Variants in CCDC7 observed in about 807,000 individuals in gnomAD.
CCDC7 encodes the protein coiled-coil domain-containing protein 7.
A neutral mutation model predicts 196.9 loss-of-function variants in CCDC7; 183 were observed. The observed-to-expected ratio is 0.93, with a 90% CI of 0.82 to 1.05. CCDC7 has a LOEUF of 1.05. CCDC7 is among the 50% of genes least tolerant of loss of function. The probability of loss-of-function intolerance (pLI) is 0.00; values close to 1 mark genes in which losing one functional copy is unlikely to be tolerated. For synonymous variants in CCDC7, 525 were observed against 484.6 expected, an observed-to-expected ratio of 1.08 and a Z score of -1.10; for missense variants, 1,540 against 1,482.2, an observed-to-expected ratio of 1.04 and a Z score of -0.64.
At position 32,815,066 on chromosome 10, in the gene CCDC7, A is replaced by C. The variant is rs117588710; in HGVS notation, c.3181+613A>C. ...CACATACACAAACACCCCACCACCA[A>C]CAACAACAACAAGCAGCAAACAAAC... On this transcript the variant is annotated intron_variant, in intron 31 of 41. Coordinates refer to ENST00000639629, the Ensembl canonical transcript of CCDC7. Among the ~76,000 whole-genome samples, 1,376 of 152,120 alleles carry C rather than the reference A, an allele frequency of 9.0e-3. 9 individuals carry two copies. Among genetic ancestry groups the C allele is most frequent in the Middle Eastern group, 0.02 (6 of 294 alleles).
At chr10:32,450,868 G>A (rs1415498160), upstream of CCDC7, among the ~76,000 whole-genome samples, 2 of 152,070 alleles carry the variant, frequency 1.3e-5, no homozygotes, top group Non-Finnish European at 2.9e-5. Context: ...TCTTCAGTCC[G>A]TATATTCCCA....
chr10:32,610,030 G>GTGTA, intron 18 of CCDC7, among the ~76,000 whole-genome samples: 1 of 86,288 alleles, frequency 1.2e-5, no homozygotes, highest in East Asian at 3.2e-4. Context: ...GTATGTATGA[G>GTGTA]TGTGTGTGTG....
At chr10:32,737,326 AG>A (rs1195804532) in intron 28 of CCDC7, among the ~76,000 whole-genome samples, 3 of 152,090 alleles carry the variant, frequency 2.0e-5, no homozygotes, top group Admixed American at 1.3e-4. Flanking sequence ...TTTTTCTTAT[AG>A]TACCTTTATC....
intron 11 of CCDC7, among the ~76,000 whole-genome samples, chr10:32,522,629 G>C (rs2048042053): frequency 6.6e-6 from 1 of 151,708 alleles, no homozygotes; most frequent in African/African-American, 2.4e-5. Flanking sequence ...TTGTTTCATT[G>C]ATCTTTTGTA....
At chr10:32,629,392 G>A (rs1417908971) in intron 18 of CCDC7, among the ~76,000 whole-genome samples, 1 of 151,914 alleles carries the variant, frequency 6.6e-6, no homozygotes, top group African/African-American at 2.4e-5. Context: ...TGTTCTTGTG[G>A]TCTAGGAGAC....
intron 13 of CCDC7, among the ~76,000 whole-genome samples, chr10:32,553,103 C>CT (rs34656193): frequency 2.3e-4 from 28 of 123,578 alleles, no homozygotes; most frequent in Non-Finnish European, 3.7e-4. Context: ...TTCTTGGAGT[C>CT]TTTTTTTTTT....
At chr10:32,847,744 G>T (rs760067605) in intron 37 of CCDC7, 89 bp from the exon 39 acceptor site, 42 of 789,202 alleles carry the variant, frequency 5.3e-5, no homozygotes, top group Non-Finnish European at 8.4e-5. Flanking sequence ...AAAAGAAAAA[G>T]AAATTTCAAA....
intron 18 of CCDC7, among the ~76,000 whole-genome samples, chr10:32,604,473 A>G (rs2061376025): frequency 6.6e-6 from 1 of 152,000 alleles, no homozygotes; most frequent in Non-Finnish European, 1.5e-5. Flanking sequence ...TGTTTTTGGC[A>G]TTTTGATAGT....
chr10:32,518,133 T>A (rs1449859441), intron 10 of CCDC7, among the ~76,000 whole-genome samples, 158 bp downstream of exon 11: 1 of 152,194 alleles, frequency 6.6e-6, no homozygotes, highest in Non-Finnish European at 1.5e-5. Context: ...GAAAGCCTTG[T>A]CTATTTTGTT....
intron 8 of CCDC7, among the ~76,000 whole-genome samples, chr10:32,477,214 A>AT (rs34848583): frequency 0.25 from 36,276 of 147,526 alleles, 4,885 homozygotes; most frequent in East Asian, 0.42. Context: ...TTTTGAGTTA[A>AT]TTTTTTTTTT....
At chr10:32,667,915 G>A (rs1226961309) in intron 21 of CCDC7, among the ~76,000 whole-genome samples, 1 of 152,054 alleles carries the variant, frequency 6.6e-6, no homozygotes, top group Non-Finnish European at 1.5e-5. Flanking sequence ...GAAAGTCACT[G>A]GTAGCTTGAT....
intron 20 of CCDC7, among the ~76,000 whole-genome samples, chr10:32,662,791 A>G (rs2071777415): frequency 6.6e-6 from 1 of 152,160 alleles, no homozygotes; most frequent in Admixed American, 6.5e-5. Flanking sequence ...ATCAAGTTCA[A>G]TTGAGCTAGA....
chr10:32,472,835 A>G (rs1469428295), intron 7 of CCDC7, among the ~76,000 whole-genome samples: 1 of 151,486 alleles, frequency 6.6e-6, no homozygotes, highest in Non-Finnish European at 1.5e-5. Context: ...GCCTCAAGTG[A>G]TCCTCCCACC....
At chr10:32,630,460 T>C (rs2064705111) in intron 18 of CCDC7, among the ~76,000 whole-genome samples, 1 of 152,050 alleles carries the variant, frequency 6.6e-6, no homozygotes, top group Non-Finnish European at 1.5e-5. Context: ...GTGAGGTTAG[T>C]GCAGGGAGTG....
intron 11 of CCDC7, 27 bp downstream of exon 12, chr10:32,518,532 T>C (rs1209080190): frequency 2.5e-6 from 4 of 1,582,920 alleles, no homozygotes; most frequent in Non-Finnish European, 3.4e-6. Context: ...TGTTTGAAAA[T>C]GGCATACACC....
intron 18 of CCDC7, among the ~76,000 whole-genome samples, chr10:32,615,498 A>G (rs2062681372): frequency 2.0e-5 from 3 of 151,948 alleles, no homozygotes; most frequent in Admixed American, 6.6e-5. Flanking sequence ...TTTGTTCAAC[A>G]TTTCCCTTGC....
chr10:32,857,944 C>T (rs1358235060), intron 41 of CCDC7, among the ~76,000 whole-genome samples: 2 of 151,460 alleles, frequency 1.3e-5, no homozygotes, highest in Non-Finnish European at 2.9e-5. Flanking sequence ...AAAATGAAGA[C>T]ATTATAGTAG....
chr10:32,615,459 G>A (rs553234258), intron 18 of CCDC7, among the ~76,000 whole-genome samples: 1 of 152,102 alleles, frequency 6.6e-6, no homozygotes, highest in Admixed American at 6.6e-5. Context: ...TAGTTTGTTG[G>A]CTGCTTCTGT....
intron 20 of CCDC7, among the ~76,000 whole-genome samples, chr10:32,650,805 G>T (rs553514249): frequency 6.6e-6 from 1 of 152,186 alleles, no homozygotes; most frequent in African/African-American, 2.4e-5. Context: ...TGCAGTGTGG[G>T]ATCTGAAGGG....
Sources: gnomAD v4.1 joint callset for allele counts (sites outside exome capture counted in the v4.1 genomes callset) on GRCh38, gnomAD v4.1.1 for gene constraint, MANE v1.5 for transcripts, NCBI Gene and HGNC (gene_info 2026-07-23, HGNC 2026-07-21) for gene names.